MARCHF5: variants seen among roughly 807,000 people sequenced by gnomAD.
MARCHF5 encodes the protein E3 ubiquitin-protein ligase MARCHF5.
A neutral mutation model predicts 36.5 loss-of-function variants in MARCHF5; 5 were observed. The observed-to-expected ratio is 0.14, with a 90% CI of 0.07 to 0.29. The LOEUF (loss-of-function observed/expected upper bound fraction) is 0.29, where lower values mean the gene tolerates loss of function less well. Among genes scored for constraint, MARCHF5 ranks in the 10% least tolerant of loss-of-function variants. MARCHF5 has a pLI of 1.00. For synonymous variants in MARCHF5, 103 were observed against 109.9 expected (o/e 0.94, Z 0.39); for missense variants, 179 against 336.3 (o/e 0.53, Z 3.66).
chr10:92,309,256 C>G (rs1006614645), intron 1 of MARCHF5, among the ~76,000 whole-genome samples: 1 of 152,018 alleles, frequency 6.6e-6, no homozygotes, highest in Non-Finnish European at 1.5e-5. Context: ...AAAAATAAAC[C>G]TTATCTAGAA....
At chr10:92,309,282 A>G (rs1564944787) in intron 1 of MARCHF5, among the ~76,000 whole-genome samples, 1 of 152,246 alleles carries the variant, frequency 6.6e-6, no homozygotes, top group Non-Finnish European at 1.5e-5. Context: ...AAGGAATATA[A>G]TAGCTACACA....
intron 1 of MARCHF5, among the ~76,000 whole-genome samples, chr10:92,297,180 T>G (rs1029100987): frequency 6.6e-6 from 1 of 151,402 alleles, no homozygotes; most frequent in African/African-American, 2.4e-5. Context: ...TTTTTTTTTT[T>G]TTTTGAGTCA....
chr10:92,350,200 C>G, intron 5 of MARCHF5: 1 of 212,900 alleles, frequency 4.7e-6, no homozygotes. Flanking sequence ...CTTTTTGTTC[C>G]TGTAGTATGG....
intron 1 of MARCHF5, among the ~76,000 whole-genome samples, chr10:92,297,927 G>A (rs1281014838): frequency 6.6e-6 from 1 of 152,146 alleles, no homozygotes; most frequent in Non-Finnish European, 1.5e-5. Flanking sequence ...GCTGGGTGCA[G>A]TGGCTCACAC....
intron 2 of MARCHF5, among the ~76,000 whole-genome samples, chr10:92,330,942 A>G (rs146701383): frequency 6.6e-6 from 1 of 152,240 alleles, no homozygotes; most frequent in African/African-American, 2.4e-5. Flanking sequence ...CTTCTCATAT[A>G]CAGGGAAGAA....
At position 92,291,188 on chromosome 10, in the gene MARCHF5, C is replaced by T. The variant is rs1842849723; in HGVS notation, c.-307C>T. The T allele has an allele frequency of 1.2e-5, 6 of 498,328 alleles. No individual in the cohort carries two copies. In the South Asian group the frequency reaches 1.2e-4, roughly 10 times the overall value. 30.9% of individuals were successfully genotyped at this position (498,328 alleles called of 1,614,324 possible). ...TCTTACCTCACAAAGGTAGCTCCTC[C>T]GCCGGCAGCAACTCGGCGCCCGCGG... On this transcript the variant is annotated 5_prime_UTR_variant, in exon 1 of 6. Transcript: ENST00000358935.
chr10:92,337,257 T>G (rs778532108), intron 2 of MARCHF5, among the ~76,000 whole-genome samples: 1 of 152,128 alleles, frequency 6.6e-6, no homozygotes, highest in East Asian at 1.9e-4. Context: ...GGCTCACACC[T>G]GTAATCCCAA....
chr10:92,328,931 G>A (rs1172020310), intron 2 of MARCHF5, among the ~76,000 whole-genome samples: 1 of 151,342 alleles, frequency 6.6e-6, no homozygotes, highest in Non-Finnish European at 1.5e-5. Context: ...AGACCGATCA[G>A]TGTGTATAGG....
At chr10:92,302,603 C>T (rs1240019810) in intron 1 of MARCHF5, among the ~76,000 whole-genome samples, 1 of 152,080 alleles carries the variant, frequency 6.6e-6, no homozygotes, top group Non-Finnish European at 1.5e-5. Flanking sequence ...CACCACCACA[C>T]CCGGCTAATT....
At chr10:92,326,830 C>T (rs774672544) in intron 2 of MARCHF5, among the ~76,000 whole-genome samples, 9 of 151,106 alleles carry the variant, frequency 6.0e-5, no homozygotes, top group Non-Finnish European at 1.0e-4. Context: ...ATATTTTTCC[C>T]CCAGGTAATG....
intron 3 of MARCHF5, among the ~76,000 whole-genome samples, chr10:92,342,580 C>A (rs1007224918): frequency 2.0e-5 from 3 of 152,204 alleles, no homozygotes; most frequent in African/African-American, 7.2e-5. Context: ...CTTCATCATA[C>A]CTGGATGGCT....
chr10:92,297,070 T>G (rs1842955144), intron 1 of MARCHF5, among the ~76,000 whole-genome samples: 1 of 152,082 alleles, frequency 6.6e-6, no homozygotes, highest in Non-Finnish European at 1.5e-5. Context: ...CAATGGCATA[T>G]CTTCTCATCC....
At chr10:92,343,773 T>C (rs1333064322) in intron 3 of MARCHF5, among the ~76,000 whole-genome samples, 3 of 152,222 alleles carry the variant, frequency 2.0e-5, no homozygotes, top group Non-Finnish European at 4.4e-5. Flanking sequence ...TTCACCATGT[T>C]GGTCAGGCTG....
intron 2 of MARCHF5, among the ~76,000 whole-genome samples, chr10:92,329,119 T>C (rs1484084544): frequency 3.9e-5 from 6 of 152,210 alleles, no homozygotes; most frequent in Non-Finnish European, 7.3e-5. Flanking sequence ...ATTTATGTTA[T>C]CAATCAAGAA....
chr10:92,341,791 T>A (rs1843582525), intron 3 of MARCHF5, among the ~76,000 whole-genome samples: 1 of 145,720 alleles, frequency 6.9e-6, no homozygotes, highest in South Asian at 2.3e-4. Flanking sequence ...TTTTTTTTTT[T>A]TTTTTTTTTT....
chr10:92,345,688 T>C (rs1843633860), intron 3 of MARCHF5, among the ~76,000 whole-genome samples: 1 of 128,656 alleles, frequency 7.8e-6, no homozygotes, highest in African/African-American at 2.6e-5. Flanking sequence ...TTTTCTCTTT[T>C]TTTTTTTTCT....
intron 1 of MARCHF5, among the ~76,000 whole-genome samples, chr10:92,299,015 C>T (rs1349853392): frequency 2.0e-5 from 3 of 150,382 alleles, no homozygotes; most frequent in East Asian, 2.0e-4. Context: ...GGGATAGAGA[C>T]GGGTCTCACT....
intron 2 of MARCHF5, among the ~76,000 whole-genome samples, chr10:92,319,357 G>A (rs1843259047): frequency 1.3e-5 from 2 of 149,994 alleles, no homozygotes; most frequent in African/African-American, 4.9e-5. Context: ...GTGCAGTGGC[G>A]CGATCTCGAC....
chr10:92,299,292 T>G (rs1477200614), intron 1 of MARCHF5, among the ~76,000 whole-genome samples: 1 of 152,170 alleles, frequency 6.6e-6, no homozygotes, highest in Non-Finnish European at 1.5e-5. Context: ...TACTTAAAAA[T>G]CTGCCAGTCT....
Sources: gnomAD v4.1 joint callset for allele counts (sites outside exome capture counted in the v4.1 genomes callset) on GRCh38, gnomAD v4.1.1 for gene constraint, MANE v1.5 for transcripts, NCBI Gene and HGNC (gene_info 2026-07-23, HGNC 2026-07-21) for gene names.